Variants in CDH13 observed in about 807,000 individuals in gnomAD.
CDH13 encodes the protein cadherin 13.
CDH13 carries 24 observed loss-of-function variants against 63.8 expected under a neutral mutation model. That is an observed-to-expected ratio of 0.38 (90% CI 0.27 to 0.53). The LOEUF (loss-of-function observed/expected upper bound fraction) is 0.53, where lower values mean the gene tolerates loss of function less well. CDH13 is among the 20% of genes least tolerant of loss of function. The pLI is 0.85. For synonymous variants in CDH13, 503 were observed against 355.3 expected (o/e 1.42, Z -4.67); for missense variants, 1,049 against 903.1 (o/e 1.16, Z -2.07).
At chr16:82,744,983 A>T (rs540786389) in intron 1 of CDH13, among the ~76,000 whole-genome samples, 44 of 152,334 alleles carry the variant, frequency 2.9e-4, no homozygotes, top group African/African-American at 1.0e-3. Flanking sequence ...GACAGAGTCA[A>T]TTCTTTTCCA....
chr16:83,662,799 T>C (rs1378551250), intron 8 of CDH13, among the ~76,000 whole-genome samples: 4 of 152,126 alleles, frequency 2.6e-5, no homozygotes, highest in African/African-American at 7.2e-5. Flanking sequence ...TTGCAAGGAA[T>C]AGAAACCTGC....
At chr16:83,497,224 C>T (rs900738113) in intron 7 of CDH13, among the ~76,000 whole-genome samples, 10 of 151,846 alleles carry the variant, frequency 6.6e-5, no homozygotes, top group Admixed American at 2.6e-4. Flanking sequence ...ATGTTTATTG[C>T]GGCACTATTC....
intron 2 of CDH13, among the ~76,000 whole-genome samples, chr16:82,922,111 G>A (rs547578989): frequency 1.7e-3 from 253 of 152,162 alleles, no homozygotes; most frequent in African/African-American, 5.9e-3. Flanking sequence ...GTGGTGGTAT[G>A]CCCTTTGTTA....
chr16:83,270,221 CA>C (rs1263941832), intron 5 of CDH13, among the ~76,000 whole-genome samples: 2 of 152,092 alleles, frequency 1.3e-5, no homozygotes, highest in Non-Finnish European at 1.5e-5. Context: ...AACAGTATAA[CA>C]CGAGTGTTTG....
chr16:82,936,194 T>A (rs2042662957), intron 2 of CDH13, among the ~76,000 whole-genome samples: 1 of 152,184 alleles, frequency 6.6e-6, no homozygotes, highest in Admixed American at 6.5e-5. Context: ...TGTGCAAGTC[T>A]CCAGCTTGCT....
intron 1 of CDH13, among the ~76,000 whole-genome samples, chr16:82,710,914 T>C (rs1026740595): frequency 1.3e-5 from 2 of 151,682 alleles, no homozygotes; most frequent in African/African-American, 4.8e-5. Flanking sequence ...ATTTGGCATA[T>C]TTTATAAACT....
chr16:83,221,027 A>G (rs2039683436), intron 5 of CDH13, among the ~76,000 whole-genome samples: 1 of 152,254 alleles, frequency 6.6e-6, no homozygotes, highest in Admixed American at 6.5e-5. Flanking sequence ...ATAAGCAAAT[A>G]GCTGTTAAAC....
chr16:83,636,478 T>C (rs1319422683), intron 8 of CDH13, among the ~76,000 whole-genome samples: 1 of 152,116 alleles, frequency 6.6e-6, no homozygotes, highest in Non-Finnish European at 1.5e-5. Flanking sequence ...ATTGTTGCCA[T>C]GTTTATGTCC....
At chr16:83,053,764 A>C (rs1342814778) in intron 3 of CDH13, among the ~76,000 whole-genome samples, 1 of 152,210 alleles carries the variant, frequency 6.6e-6, no homozygotes, top group Non-Finnish European at 1.5e-5. Flanking sequence ...ACTATACAGC[A>C]GGCAGATATA....
chr16:82,804,298 C>CAG (rs1363559561), intron 1 of CDH13, among the ~76,000 whole-genome samples: 1 of 131,584 alleles, frequency 7.6e-6, no homozygotes, highest in Non-Finnish European at 1.7e-5. Context: ...CACACACACA[C>CAG]ACACACACAC....
intron 2 of CDH13, among the ~76,000 whole-genome samples, chr16:82,890,667 T>TTC (rs1555536102): frequency 6.6e-5 from 10 of 151,436 alleles, no homozygotes; most frequent in Admixed American, 1.3e-4. Flanking sequence ...TTTTTTTTTT[T>TTC]CCAAGACTAA....
At chr16:82,827,554 T>C (rs973983314) in intron 1 of CDH13, among the ~76,000 whole-genome samples, 13 of 152,168 alleles carry the variant, frequency 8.5e-5, no homozygotes, top group African/African-American at 3.1e-4. Context: ...AGGAGTATAC[T>C]GTGGACTAGA....
At chr16:82,956,386 G>A (rs901472677) in intron 2 of CDH13, among the ~76,000 whole-genome samples, 5 of 151,986 alleles carry the variant, frequency 3.3e-5, no homozygotes, top group Admixed American at 1.3e-4. Flanking sequence ...AATGGCAGCT[G>A]AAGGATTATT....
At chr16:83,176,883 C>T (rs1203202754) in intron 4 of CDH13, among the ~76,000 whole-genome samples, 1 of 152,114 alleles carries the variant, frequency 6.6e-6, no homozygotes, top group Admixed American at 6.5e-5. Context: ...ACCTTCCTCT[C>T]CCATCAGCCT....
intron 1 of CDH13, among the ~76,000 whole-genome samples, chr16:82,643,401 C>T (rs1023796801): frequency 6.6e-6 from 1 of 152,192 alleles, no homozygotes; most frequent in Admixed American, 6.5e-5. Flanking sequence ...ATTGTCCACC[C>T]TACTGAGATC....
intron 6 of CDH13, among the ~76,000 whole-genome samples, chr16:83,388,425 C>G (rs970519551): frequency 5.3e-5 from 8 of 152,078 alleles, no homozygotes; most frequent in South Asian, 2.1e-4. Flanking sequence ...TGCACTCCAG[C>G]TTGGCCAACA....
chr16:83,757,704 T>G (rs554299001), intron 11 of CDH13, among the ~76,000 whole-genome samples: 1 of 151,928 alleles, frequency 6.6e-6, no homozygotes, highest in African/African-American at 2.4e-5. Context: ...TTACCAACAC[T>G]GGGAATAAAA....
At chr16:83,058,808 C>T (rs746348631) in intron 3 of CDH13, among the ~76,000 whole-genome samples, 2 of 152,206 alleles carry the variant, frequency 1.3e-5, no homozygotes, top group Admixed American at 6.5e-5. Context: ...TTACTGCTGA[C>T]ACACGCTGAC....
intron 6 of CDH13, among the ~76,000 whole-genome samples, chr16:83,403,666 T>C (rs1481217958): frequency 2.0e-5 from 3 of 152,154 alleles, no homozygotes; most frequent in South Asian, 2.1e-4. Context: ...GTAGAAACCT[T>C]TGGGGGAGTG....
Sources: allele counts gnomAD v4.1 joint callset (sites outside exome capture counted in the v4.1 genomes callset), GRCh38; gene constraint gnomAD v4.1.1; transcripts MANE v1.5; gene names NCBI Gene and HGNC (gene_info 2026-07-23, HGNC 2026-07-21).